LINGO3: variants seen among roughly 807,000 people sequenced by gnomAD.
LINGO3 encodes leucine-rich repeat and immunoglobulin-like domain-containing nogo receptor-interacting protein 3.
For synonymous variants in LINGO3, 427 were observed against 444.2 expected (o/e 0.96, Z 0.49); for missense variants, 750 against 867.7 (o/e 0.86, Z 1.70).
In LINGO3 at chr19:2,291,177, C is replaced by T. The variant is rs976550192; in HGVS notation, c.600G>A (p.Leu200=). 1.9e-6 allele frequency: 3 copies of T among 1,607,948 alleles called. No individual in the cohort carries two copies. The African/African-American group carries it at 4.0e-5, about 21-fold the overall frequency. ...CCAGGTGGCGCAGCCGCAGGGCGCC[C>T]AGGCTGCGCAGATGGCCCAGCGACT... Residue 200 remains leucine (L), a synonymous_variant, in exon 1 of 1, where the codon CTG becomes CTA. Transcript: ENST00000585527.
chr19:2,303,365 G>C, the LINGO3 span, among the ~76,000 whole-genome samples: 2 of 150,156 alleles, frequency 1.3e-5, no homozygotes, highest in South Asian at 2.1e-4. Flanking sequence ...GTGGGGGGGG[G>C]GGTCTGTTCC....
the LINGO3 span, among the ~76,000 whole-genome samples, chr19:2,304,607 C>G: frequency 1.3e-5 from 2 of 151,812 alleles, no homozygotes; most frequent in Non-Finnish European, 1.5e-5. Flanking sequence ...TAGGGTGGGG[C>G]CCTGAGCCAA....
chr19:2,307,567 C>T, the LINGO3 span, among the ~76,000 whole-genome samples: 1 of 152,180 alleles, frequency 6.6e-6, no homozygotes, highest in Non-Finnish European at 1.5e-5. Context: ...AGGTCCCTCC[C>T]CGCCAGGCCG....
At chr19:2,291,323 G>C (rs1355023659) in exon 1 of LINGO3, 2 of 1,612,996 alleles carry the variant, frequency 1.2e-6, no homozygotes, top group Middle Eastern at 1.6e-4. Flanking sequence ...AGCCGGCGCA[G>C]GCTGTGCAGG....
At position 2,290,644 on chromosome 19, in the gene LINGO3, G is replaced by A; in HGVS notation, c.1133C>T (p.Ala378Val). 1 of 1,600,796 alleles carries A rather than the reference G, an allele frequency of 6.2e-7. No homozygotes were observed. ...GCGCACCTCGGCCGGGGTGGCGCAG[G>A]CCGGCAGCCGCCCGTCGAAGTTGAG... The change falls in exon 1 of 1, where the codon GCC (alanine) becomes GTC (valine). Residue 378 changes from alanine to valine, a missense_variant. Ala to Val is a moderately conservative substitution (Grantham distance 64). Transcript: ENST00000585527. The surrounding 1 kb of genome is among the most constrained non-coding windows in gnomAD (Gnocchi z 6.0).
upstream of LINGO3, among the ~76,000 whole-genome samples, chr19:2,296,187 G>A (rs1490683693): frequency 6.6e-6 from 1 of 152,206 alleles, no homozygotes; most frequent in Admixed American, 6.5e-5. Flanking sequence ...GGGGACAAGA[G>A]TGCTAGGGCG....
upstream of LINGO3, among the ~76,000 whole-genome samples, chr19:2,296,480 T>C (rs2025572818): frequency 6.6e-6 from 1 of 151,814 alleles, no homozygotes. Flanking sequence ...ACTCTGTCTT[T>C]TGGTTCTTTT....
At position 2,290,601 on chromosome 19, in the gene LINGO3, G is replaced by C. The variant is rs201664917; in HGVS notation, c.1176C>G (p.Asn392Lys). 468 of 1,586,498 alleles carry C rather than the reference G, an allele frequency of 2.9e-4. No homozygotes were observed. The highest frequency in any genetic ancestry group is 3.6e-4 in the Non-Finnish European group (423 of 1,171,728). The change falls in exon 1 of 1, where the codon AAC (asparagine) becomes AAG (lysine). Residue 392 changes from asparagine (N) to lysine (K), a missense_variant. Transcript: ENST00000585527. This position sits in a 1 kb window ranked among gnomAD's most constrained non-coding sequence, Gnocchi z 6.0. The stretch of plus-strand genomic sequence containing the variant: ...ACTCGAACAGCACGGAGTCCGGCAG[G>C]TTTCGCAGCGCGTCGCCGCGCACCT...
the LINGO3 span, among the ~76,000 whole-genome samples, chr19:2,302,505 C>T: frequency 1.3e-5 from 2 of 152,240 alleles, no homozygotes; most frequent in African/African-American, 4.8e-5. Flanking sequence ...GCCCCGCCGT[C>T]CACAGGCGCG....
chr19:2,292,340 G>T (rs2025532609), upstream of LINGO3, among the ~76,000 whole-genome samples: 2 of 139,200 alleles, frequency 1.4e-5, no homozygotes, highest in African/African-American at 5.4e-5. Flanking sequence ...TGAGGCCACA[G>T]TGAGCTGTGA....
rs2025517939 is a variant in LINGO3 at position 2,291,293 on chromosome 19, G to C, written c.484C>G (p.Leu162Val). 4 of 1,612,690 alleles carry C rather than the reference G, an allele frequency of 2.5e-6. No individual in the cohort carries two copies. In the Middle Eastern group the frequency reaches 6.6e-4, roughly 266 times the overall value. ...AAGGCGCGGCGCGAGACGAATACCA[G>C]GTCGTTGTCGCCCACTTCCAGCCGG... The change falls in exon 1 of 1, where the codon CTG becomes GTG. Residue 162 changes from leucine to valine, a missense_variant. Transcript: ENST00000585527.
the LINGO3 span, among the ~76,000 whole-genome samples, chr19:2,298,004 TC>T: frequency 6.6e-6 from 1 of 152,002 alleles, no homozygotes; most frequent in Admixed American, 6.6e-5. Context: ...TTCTCCTGCC[TC>T]AGCCTCCTGA....
the LINGO3 span, among the ~76,000 whole-genome samples, chr19:2,300,017 T>C: frequency 1.5e-5 from 2 of 137,658 alleles, no homozygotes; most frequent in Admixed American, 7.8e-5. Flanking sequence ...ACCACATGCC[T>C]GGCCTCTTTT....
chr19:2,289,305 G>A (rs2025494511), downstream of LINGO3, among the ~76,000 whole-genome samples: 1 of 151,058 alleles, frequency 6.6e-6, no homozygotes, highest in East Asian at 2.0e-4. Context: ...GTGTGTCCCG[G>A]GTGTGAGTTG....
upstream of LINGO3, among the ~76,000 whole-genome samples, chr19:2,296,904 T>A (rs62119711): frequency 6.7e-6 from 1 of 149,822 alleles, no homozygotes; most frequent in African/African-American, 2.5e-5. Context: ...CTGGCTAACA[T>A]GGTGAAACCC....
chr19:2,290,250 C>T lies in LINGO3; in HGVS notation c.1527G>A (p.Glu509=). The T allele has an allele frequency of 1.2e-6, 2 of 1,602,688 alleles. No individual in the cohort carries two copies. The highest frequency in any genetic ancestry group is 1.7e-6 in the Non-Finnish European group (2 of 1,177,584). ...GGGCCGCCAGCGTCTCGTTGTGGGC[C>T]TCGCCCGGGGTCCGGTTGGCGGCCG... The change falls in exon 1 of 1, where the codon GAG becomes GAA. Residue 509 remains glutamate, a synonymous_variant. Transcript: ENST00000585527. This position sits in a 1 kb window ranked among gnomAD's most constrained non-coding sequence, Gnocchi z 6.0.
At chr19:2,294,160 G>A (rs973970870), upstream of LINGO3, among the ~76,000 whole-genome samples, 1 of 152,244 alleles carries the variant, frequency 6.6e-6, no homozygotes, top group African/African-American at 2.4e-5. This position sits in a 1 kb window ranked among gnomAD's most constrained non-coding sequence, Gnocchi z 4.3. Context: ...TGAGACTGCA[G>A]TGGATTACAG....
chr19:2,289,783 G>A, downstream of LINGO3: 1 of 445,342 alleles, frequency 2.2e-6, no homozygotes, highest in Admixed American at 4.3e-5. Flanking sequence ...GGGACAGGAA[G>A]ACGGGTTGAA....
the LINGO3 span, among the ~76,000 whole-genome samples, chr19:2,306,538 ACGG>A: frequency 6.6e-6 from 1 of 152,214 alleles, no homozygotes; most frequent in South Asian, 2.1e-4. Flanking sequence ...CTGGGGGTGG[ACGG>A]CTGAGGCTGA....
Sources: gnomAD v4.1 joint callset for allele counts (sites outside exome capture counted in the v4.1 genomes callset) on GRCh38, gnomAD v4.1.1 for gene constraint, Gnocchi (gnomAD v3.1) non-coding constraint, MANE v1.5 for transcripts, NCBI Gene and HGNC (gene_info 2026-07-23, HGNC 2026-07-21) for gene names.